The following MILR1 variants were observed in gnomAD, a reference collection of about 807,000 sequenced individuals.
MILR1 encodes allergin-1.
MILR1 carries 31 observed loss-of-function variants against 18.5 expected under a neutral mutation model. That is an observed-to-expected ratio of 1.68 (90% CI 1.26 to 2.26). The LOEUF (loss-of-function observed/expected upper bound fraction) is 2.26. MILR1 is among the 30% of genes most tolerant of loss of function. The pLI, the probability that MILR1 is intolerant of heterozygous loss-of-function variation, is 0.00. For synonymous variants in MILR1, 85 were observed against 56.2 expected (o/e 1.51, Z -2.30); for missense variants, 257 against 157.4 (o/e 1.63, Z -3.38).
At chr17:64,467,506 TA>T in intron 8 of MILR1, 58 bp from the exon 9 acceptor site, 2 of 1,120,452 alleles carry the variant, frequency 1.8e-6, no homozygotes, top group Admixed American at 2.5e-5. Context: ...ATAGGATTTT[TA>T]AAAACAGCCT....
the MILR1 span, among the ~76,000 whole-genome samples, chr17:64,489,351 T>A: frequency 7.4e-6 from 1 of 135,988 alleles, no homozygotes; most frequent in Non-Finnish European, 1.5e-5. Flanking sequence ...TGATGGAATT[T>A]GTTTTTTTTT....
the MILR1 span, chr17:64,497,152 C>G: frequency 3.0e-6 from 2 of 671,228 alleles, no homozygotes; most frequent in Non-Finnish European, 2.7e-6. Flanking sequence ...CCCCCGCCCA[C>G]CATGGCGGAC....
At chr17:64,452,505 G>A (rs1359413238) in intron 2 of MILR1, 92 bp from the exon 3 acceptor site, 2 of 407,972 alleles carry the variant, frequency 4.9e-6, no homozygotes, top group Non-Finnish European at 8.9e-6. Context: ...CACCTGCCTC[G>A]GCCGCCCAAA....
the MILR1 span, chr17:64,496,396 G>A: frequency 6.4e-5 from 99 of 1,541,852 alleles, no homozygotes; most frequent in Middle Eastern, 5.2e-4. Flanking sequence ...GCATGAAATC[G>A]TGAAGCATAC....
At chr17:64,463,128 A>G (rs2037469072) in intron 5 of MILR1, among the ~76,000 whole-genome samples, 26 of 152,182 alleles carry the variant, frequency 1.7e-4, no homozygotes, top group Non-Finnish European at 3.8e-4. Flanking sequence ...TGCTACATCC[A>G]GCAGAAAACT....
chr17:64,474,356 T>C, the MILR1 span, among the ~76,000 whole-genome samples: 1 of 151,986 alleles, frequency 6.6e-6, no homozygotes, highest in Non-Finnish European at 1.5e-5. Context: ...ATTACAGGCG[T>C]GAGCCACCGT....
At chr17:64,451,424 A>G (rs894301587) in intron 2 of MILR1, among the ~76,000 whole-genome samples, 1 of 152,052 alleles carries the variant, frequency 6.6e-6, no homozygotes, top group African/African-American at 2.4e-5. Flanking sequence ...TACAGGCATG[A>G]GCCACCATGC....
the MILR1 span, among the ~76,000 whole-genome samples, chr17:64,475,987 G>A: frequency 6.6e-6 from 1 of 151,428 alleles, no homozygotes; most frequent in African/African-American, 2.4e-5. Flanking sequence ...CTAATTTTTT[G>A]TATTTTTAGT....
the MILR1 span, among the ~76,000 whole-genome samples, chr17:64,480,666 A>G: frequency 6.6e-6 from 1 of 152,220 alleles, no homozygotes; most frequent in Admixed American, 6.5e-5. Flanking sequence ...TACCCTTAGT[A>G]TCATTCAAAA....
At chr17:64,474,264 G>A in the MILR1 span, among the ~76,000 whole-genome samples, 4 of 152,100 alleles carry the variant, frequency 2.6e-5, no homozygotes, top group African/African-American at 9.7e-5. Context: ...TAGAAGAAAC[G>A]GGGTTTCACC....
At chr17:64,462,633 C>T (rs1304956155) in intron 5 of MILR1, among the ~76,000 whole-genome samples, 1 of 151,258 alleles carries the variant, frequency 6.6e-6, no homozygotes, top group African/African-American at 2.5e-5. Flanking sequence ...TATGGCAAAA[C>T]CCACAATTAC....
chr17:64,468,405 C>T lies in MILR1; in HGVS notation c.*124C>T, dbSNP rs753729604. 9.5e-6 allele frequency: 4 copies of T among 422,640 alleles called. No individual in the cohort carries two copies. Among genetic ancestry groups the T allele is most frequent in the South Asian group, 1.7e-5 (1 of 58,498 alleles). 26.2% of individuals were successfully genotyped at this position (422,640 alleles called of 1,614,324 possible). A position where few individuals can be genotyped will look rare whatever the true frequency, so the allele number is the denominator to read the frequency against. ...CCCAGTTCAAGCGATTCTCATGCCT[C>T]GACCTCCCGAGTAGCTGGGATTACA... On this transcript the variant is annotated 3_prime_UTR_variant, in exon 10 of 10. Transcript: ENST00000619286.
the MILR1 span, among the ~76,000 whole-genome samples, chr17:64,497,305 T>A: frequency 6.6e-6 from 1 of 152,276 alleles, no homozygotes; most frequent in Non-Finnish European, 1.5e-5. Context: ...GTCACTTCCT[T>A]CTGCCACTGT....
Position 64,468,604 on chromosome 17 carries a change from A to G in MILR1, c.*323A>G. 2.6e-6 allele frequency: 3 copies of G among 1,140,920 alleles called. No homozygotes were observed. Among genetic ancestry groups the G allele is most frequent in the Non-Finnish European group, 3.3e-6 (3 of 920,208 alleles). 70.7% of individuals were successfully genotyped at this position (1,140,920 alleles called of 1,614,324 possible). The stretch of plus-strand genomic sequence containing the variant: ...GTGCCCGGCCCTGAATCGCTTTAGT[A>G]AATAAAGGGTCTCCAAGAATAAATT... On this transcript the variant is annotated 3_prime_UTR_variant, in exon 10 of 10. Transcript: ENST00000619286.
chr17:64,483,513 CAA>C, the MILR1 span, among the ~76,000 whole-genome samples: 18 of 113,378 alleles, frequency 1.6e-4, no homozygotes, highest in East Asian at 2.7e-4. Flanking sequence ...GATCCTGTCT[CAA>C]AAAAAAAAAA....
chr17:64,490,445 T>C, the MILR1 span: 1 of 288,768 alleles, frequency 3.5e-6, no homozygotes, highest in Non-Finnish European at 6.7e-6. Flanking sequence ...TTCTACAGAT[T>C]AACTAGACTG....
rs118202133 is a variant in MILR1 at position 64,454,383 on chromosome 17, T to C, written c.367+1517T>C. The stretch of plus-strand genomic sequence containing the variant: ...CTTGGATTACAAGCACGTGCCATAA[T>C]TAAAATCAAGTCAATTAAAATTAGA... On this transcript the variant is annotated intron_variant, in intron 3 of 9. Transcript: ENST00000619286. Among the ~76,000 whole-genome samples the C allele has an allele frequency of 6.1e-3, 929 of 152,302 alleles. 7 individuals are homozygous for C. The highest frequency in any genetic ancestry group is 0.021 in the African/African-American group (892 of 41,554).
chr17:64,452,056 C>A (rs1378146778), intron 2 of MILR1, among the ~76,000 whole-genome samples: 1 of 150,846 alleles, frequency 6.6e-6, no homozygotes, highest in African/African-American at 2.4e-5. Flanking sequence ...TGTCTTCCAC[C>A]CAAGCCATCC....
At chr17:64,460,028 A>G (rs1368083199) in intron 4 of MILR1, among the ~76,000 whole-genome samples, 1 of 144,496 alleles carries the variant, frequency 6.9e-6, no homozygotes, top group Non-Finnish European at 1.5e-5. Flanking sequence ...TTATTTATTT[A>G]TTTATTTATT....
Sources: allele counts gnomAD v4.1 joint callset (sites outside exome capture counted in the v4.1 genomes callset), GRCh38; gene constraint gnomAD v4.1.1; transcripts MANE v1.5; gene names NCBI Gene and HGNC (gene_info 2026-07-23, HGNC 2026-07-21).